The following ATP8A2 variants were observed in gnomAD, a reference collection of about 807,000 sequenced individuals.
The protein encoded by ATP8A2 is ATPase phospholipid transporting 8A2.
In ATP8A2, 100 loss-of-function variants were observed where a neutral mutation model predicts 165.6. The observed-to-expected ratio is 0.60, with a 90% CI of 0.51 to 0.71. The LOEUF is 0.71. Among genes scored for constraint, ATP8A2 ranks in the 30% least tolerant of loss-of-function variants. The pLI is 0.00. For missense variants in ATP8A2, 1,227 were observed against 1,479.5 expected (o/e 0.83, Z 2.80); for synonymous variants, 543 against 548.8 (o/e 0.99, Z 0.15).
At chr13:25,922,011 T>C (rs1009163435) in intron 33 of ATP8A2, among the ~76,000 whole-genome samples, 2 of 152,216 alleles carry the variant, frequency 1.3e-5, no homozygotes, top group African/African-American at 4.8e-5. Context: ...TTTGTGAAGT[T>C]TGGGAAATAA....
At chr13:25,818,864 C>A (rs1951091101) in intron 27 of ATP8A2, among the ~76,000 whole-genome samples, 1 of 152,000 alleles carries the variant, frequency 6.6e-6, no homozygotes, top group Non-Finnish European at 1.5e-5. Context: ...CATGGGGTAG[C>A]CAGATAACAA....
chr13:25,853,248 C>T (rs1194534550), intron 30 of ATP8A2, among the ~76,000 whole-genome samples: 2 of 151,534 alleles, frequency 1.3e-5, no homozygotes, highest in Non-Finnish European at 2.9e-5. Flanking sequence ...AAAAATTAAC[C>T]GGGTATAGTG....
At chr13:25,837,404 T>A in intron 29 of ATP8A2, 119 bp downstream of exon 29, 12 of 971,914 alleles carry the variant, frequency 1.2e-5, no homozygotes, top group East Asian at 2.8e-5. Flanking sequence ...GCTGAAAACA[T>A]GATCCACTCA....
intron 2 of ATP8A2, among the ~76,000 whole-genome samples, chr13:25,524,928 TTCCTTCC>T (rs2037793426): frequency 9.3e-5 from 14 of 150,354 alleles, no homozygotes; most frequent in African/African-American, 3.2e-4. Context: ...CCTTCCTTCC[TTCCTTCC>T]TTCTTTCCTT....
chr13:25,930,968 C>T (rs1434987415), intron 33 of ATP8A2, among the ~76,000 whole-genome samples: 1 of 152,204 alleles, frequency 6.6e-6, no homozygotes, highest in South Asian at 2.1e-4. Flanking sequence ...AATATGAAAA[C>T]TGCACCCACT....
In ATP8A2 at chr13:25,843,088, A is replaced by G. The variant is rs79074319; in HGVS notation, c.2956+3464A>G. On this transcript the variant is annotated intron_variant, in intron 30 of 36. Transcript: ENST00000381655. Reference sequence around the variant, plus strand: ...GGGCACAGTGAATATAGATATCAGCAAGCCAGGCACTGCCTCTCCTGCCCT... The same window carrying G: ...GGGCACAGTGAATATAGATATCAGCGAGCCAGGCACTGCCTCTCCTGCCCT... 2.9e-3 allele frequency among the ~76,000 whole-genome samples: 442 copies of G among 152,264 alleles called. 6 individuals are homozygous for G. Among genetic ancestry groups the G allele is most frequent in the Admixed American group, 0.019 (285 of 15,290 alleles).
chr13:25,565,263 T>A (rs2039278808), intron 16 of ATP8A2, among the ~76,000 whole-genome samples: 1 of 152,188 alleles, frequency 6.6e-6, no homozygotes, highest in African/African-American at 2.4e-5. Context: ...GATTGCTGGA[T>A]CAAATGGTAG....
At chr13:25,538,810 G>C (rs887997798) in intron 7 of ATP8A2, among the ~76,000 whole-genome samples, 1 of 152,116 alleles carries the variant, frequency 6.6e-6, no homozygotes, top group Admixed American at 6.6e-5. Context: ...ATTGCAGACA[G>C]CGTTTCTTGT....
intron 27 of ATP8A2, among the ~76,000 whole-genome samples, chr13:25,814,098 G>GACACAC (rs59562535): frequency 0.25 from 37,209 of 148,780 alleles, 4,811 homozygotes; most frequent in East Asian, 0.47. Context: ...CACACATACA[G>GACACAC]ACACACACAC....
intron 16 of ATP8A2, chr13:25,567,085 G>C (rs1383254323): frequency 7.3e-6 from 2 of 274,026 alleles, no homozygotes; most frequent in Non-Finnish European, 1.5e-5. Flanking sequence ...GCTTCTCTGG[G>C]GACCCCCTAC....
At chr13:25,503,444 G>T (rs1166883646) in intron 2 of ATP8A2, among the ~76,000 whole-genome samples, 1 of 152,140 alleles carries the variant, frequency 6.6e-6, no homozygotes, top group Non-Finnish European at 1.5e-5. Flanking sequence ...TGCAGGAGTT[G>T]TGCTGAGATG....
intron 35 of ATP8A2, among the ~76,000 whole-genome samples, chr13:25,989,354 C>T (rs1337125914): frequency 6.6e-6 from 1 of 152,194 alleles, no homozygotes; most frequent in African/African-American, 2.4e-5. Context: ...GCATCACAGT[C>T]ATATCAGAGA....
chr13:25,692,626 T>A (rs2042749333), intron 24 of ATP8A2, among the ~76,000 whole-genome samples: 1 of 152,226 alleles, frequency 6.6e-6, no homozygotes, highest in Non-Finnish European at 1.5e-5. Flanking sequence ...TGAGCAGGGC[T>A]GCACTTCCAC....
At chr13:25,764,807 G>T (rs1593311209) in intron 25 of ATP8A2, among the ~76,000 whole-genome samples, 1 of 152,302 alleles carries the variant, frequency 6.6e-6, no homozygotes, top group African/African-American at 2.4e-5. Context: ...TCTCTAGGGG[G>T]TTCCTGGGTG....
In ATP8A2 at chr13:25,790,975, A is replaced by G. The variant is rs549636452; in HGVS notation, c.2679+16016A>G. Among the ~76,000 whole-genome samples the G allele has an allele frequency of 9.5e-4, 144 of 152,314 alleles. 1 individual carries two copies. The highest frequency in any genetic ancestry group is 3.4e-3 in the African/African-American group (142 of 41,576). ...ACCATTGTGGAAAAACAGTGTGATG[A>G]TTTCCCAAAGACCTAAAAACAGAAC... On this transcript the variant is annotated intron_variant, in intron 27 of 36. Transcript: ENST00000381655.
intron 35 of ATP8A2, among the ~76,000 whole-genome samples, chr13:25,995,280 TA>T (rs1220204025): frequency 2.0e-5 from 3 of 151,732 alleles, no homozygotes; most frequent in Non-Finnish European, 4.4e-5. Context: ...AGAAGCTCAA[TA>T]AAGAGCTTTT....
chr13:25,895,951 T>C (rs990895525), intron 33 of ATP8A2, among the ~76,000 whole-genome samples: 1 of 152,232 alleles, frequency 6.6e-6, no homozygotes, highest in African/African-American at 2.4e-5. Flanking sequence ...TTGCTAGCGG[T>C]CTATCAATTT....
intron 10 of ATP8A2, among the ~76,000 whole-genome samples, chr13:25,546,166 CTA>C (rs1284903520): frequency 1.3e-5 from 2 of 151,986 alleles, no homozygotes; most frequent in East Asian, 1.9e-4. Flanking sequence ...GTTAATTAAA[CTA>C]TCTTTTAAAA....
intron 1 of ATP8A2, among the ~76,000 whole-genome samples, chr13:25,438,381 C>T (rs1351444163): frequency 6.6e-6 from 1 of 152,194 alleles, no homozygotes; most frequent in African/African-American, 2.4e-5. Context: ...CCATGGCTCA[C>T]TCTTGCAATC....
Sources: allele counts gnomAD v4.1 joint callset (sites outside exome capture counted in the v4.1 genomes callset), GRCh38; gene constraint gnomAD v4.1.1; transcripts MANE v1.5; gene names NCBI Gene and HGNC (gene_info 2026-07-23, HGNC 2026-07-21).